KDM2A: variants seen among roughly 807,000 people sequenced by gnomAD.
The protein encoded by KDM2A is lysine-specific demethylase 2A.
Under a neutral mutation model 137.3 loss-of-function variants are expected in KDM2A, and 3 were observed. That is an observed-to-expected ratio of 0.02 (90% confidence interval 0.01 to 0.06). The LOEUF is 0.06. KDM2A is among the 10% of genes least tolerant of loss of function. KDM2A has a pLI of 1.00. For synonymous variants in KDM2A, 512 were observed against 541.5 expected (o/e 0.95, Z 0.76); for missense variants, 738 against 1,510.6 (o/e 0.49, Z 8.48).
chr11:67,253,493 A>G lies in KDM2A; in HGVS notation c.2973A>G (p.Ala991=), dbSNP rs1488053683. ...DLLLAGCSWS[A]VSALSTSSCP... is the part of the protein sequence containing the mutation. Reference sequence around the variant, plus strand: ...TCCTAGCAGGCTGCTCCTGGTCTGCAGTCTCTGCCCTCAGCACCTCCAGCT... The same window carrying G: ...TCCTAGCAGGCTGCTCCTGGTCTGCGGTCTCTGCCCTCAGCACCTCCAGCT... Residue 991 remains alanine, a synonymous_variant, in exon 19 of 21, where the codon GCA becomes GCG. Coordinates refer to ENST00000529006, the MANE Select transcript of KDM2A (RefSeq NM_012308.3). 8.7e-6 allele frequency: 14 copies of G among 1,613,938 alleles called. No individual in the cohort carries two copies. The highest frequency in any genetic ancestry group is 1.1e-5 in the Non-Finnish European group (13 of 1,179,854).
At chr11:67,215,523 C>T (rs1295281418) in intron 7 of KDM2A, 77 bp downstream of exon 7, 24 of 924,064 alleles carry the variant, frequency 2.6e-5, no homozygotes, top group East Asian at 1.3e-4. Context: ...TTCTCCCTTA[C>T]GAGCTTTGCT....
At chr11:67,200,165 T>G (rs1393618162) in intron 5 of KDM2A, among the ~76,000 whole-genome samples, 1 of 152,132 alleles carries the variant, frequency 6.6e-6, no homozygotes, top group Non-Finnish European at 1.5e-5. Flanking sequence ...GTGTACCTCT[T>G]CACCCAAGAC....
At chr11:67,172,962 T>C (rs1017769599) in intron 2 of KDM2A, among the ~76,000 whole-genome samples, 19 of 152,238 alleles carry the variant, frequency 1.2e-4, no homozygotes, top group Non-Finnish European at 2.2e-4. Flanking sequence ...ATGGAATATT[T>C]ATAGACATAA....
intron 2 of KDM2A, among the ~76,000 whole-genome samples, chr11:67,140,021 C>G (rs1362896439): frequency 6.6e-6 from 1 of 152,030 alleles, no homozygotes; most frequent in East Asian, 1.9e-4. Context: ...GTGTTCTTAG[C>G]TTGAGTTCCT....
intron 13 of KDM2A, 74 bp downstream of exon 13, chr11:67,243,166 A>G (rs543215159): frequency 3.6e-5 from 38 of 1,061,414 alleles, no homozygotes; most frequent in Admixed American, 2.4e-4. Context: ...TCTGGGGAAA[A>G]CAAGAACAAC....
intron 2 of KDM2A, among the ~76,000 whole-genome samples, chr11:67,161,518 A>G (rs1187641508): frequency 3.9e-5 from 6 of 152,226 alleles, no homozygotes; most frequent in Admixed American, 6.5e-5. Context: ...ACGTATTACT[A>G]TTATATGCAT....
At chr11:67,223,192 CAAA>C (rs560774486) in intron 10 of KDM2A, among the ~76,000 whole-genome samples, 2 of 89,418 alleles carry the variant, frequency 2.2e-5, no homozygotes, top group Non-Finnish European at 2.6e-5. Flanking sequence ...AACTCCATCT[CAAA>C]AAAAAAAAAA....
chr11:67,166,670 C>T (rs1428431324), intron 2 of KDM2A, among the ~76,000 whole-genome samples: 1 of 151,080 alleles, frequency 6.6e-6, no homozygotes, highest in Non-Finnish European at 1.5e-5. Context: ...GGCTGTAATG[C>T]AGTATACAGA....
chr11:67,233,806 T>A (rs1181320006), intron 12 of KDM2A, among the ~76,000 whole-genome samples: 5 of 151,756 alleles, frequency 3.3e-5, no homozygotes, highest in Admixed American at 2.6e-4. Flanking sequence ...AGAGGGGAGT[T>A]AAGAAGAGAC....
At chr11:67,153,662 G>A (rs1403235945) in intron 2 of KDM2A, among the ~76,000 whole-genome samples, 1 of 151,992 alleles carries the variant, frequency 6.6e-6, no homozygotes, top group Non-Finnish European at 1.5e-5. Flanking sequence ...CTACAAAAAT[G>A]TTTACGGATA....
chr11:67,243,736 A>C (rs913737958), intron 13 of KDM2A: 3 of 152,306 alleles, frequency 2.0e-5, no homozygotes, highest in Admixed American at 6.5e-5. Context: ...AATCACTTGA[A>C]CCCAGGAGGC....
At chr11:67,157,622 G>C (rs915386867) in intron 2 of KDM2A, among the ~76,000 whole-genome samples, 1 of 151,448 alleles carries the variant, frequency 6.6e-6, no homozygotes, top group African/African-American at 2.4e-5. Flanking sequence ...GCACGCGCCT[G>C]AAATCCCAGC....
intron 2 of KDM2A, among the ~76,000 whole-genome samples, chr11:67,179,679 A>T (rs1034128996): frequency 6.6e-6 from 1 of 152,206 alleles, no homozygotes; most frequent in Admixed American, 6.6e-5. Flanking sequence ...TACCAAGCTA[A>T]TTTTAAATAC....
chr11:67,144,705 C>T (rs886415053), intron 2 of KDM2A, among the ~76,000 whole-genome samples: 3 of 151,132 alleles, frequency 2.0e-5, no homozygotes, highest in Admixed American at 1.3e-4. Flanking sequence ...CTGGGAGTAC[C>T]GGCACGCACC....
chr11:67,201,897 A>G lies in KDM2A; in HGVS notation c.308-5613A>G, dbSNP rs142912335. Among the ~76,000 whole-genome samples, 48 of 151,506 alleles carry G rather than the reference A, an allele frequency of 3.2e-4. No homozygotes were observed. In the East Asian group the frequency reaches 4.7e-3, roughly 15 times the overall value. On this transcript the variant is annotated intron_variant, in intron 5 of 20. Transcript: ENST00000529006. ...TTGAGCCCAGGAATTCGAGGTTGCA[A>G]TGAGCTCTGATCTTGCCACTCTATT...
intron 2 of KDM2A, among the ~76,000 whole-genome samples, chr11:67,144,515 G>A (rs1856198258): frequency 1.3e-5 from 2 of 151,928 alleles, no homozygotes; most frequent in South Asian, 2.1e-4. Flanking sequence ...GCCTTCCAAA[G>A]TGCTGGGATT....
chr11:67,242,047 C>G (rs1249096096), intron 12 of KDM2A, among the ~76,000 whole-genome samples: 1 of 152,072 alleles, frequency 6.6e-6, no homozygotes, highest in Admixed American at 6.5e-5. Context: ...GCACTCCAGC[C>G]TGAGCAACAG....
At chr11:67,181,604 AAAC>A (rs945843158) in intron 4 of KDM2A, among the ~76,000 whole-genome samples, 22 of 152,222 alleles carry the variant, frequency 1.4e-4, no homozygotes, top group East Asian at 7.7e-4. Flanking sequence ...AAAAAAAAAA[AAAC>A]AACAAATTTA....
intron 5 of KDM2A, among the ~76,000 whole-genome samples, chr11:67,202,849 G>A (rs980234199): frequency 1.3e-5 from 2 of 151,370 alleles, no homozygotes; most frequent in African/African-American, 4.9e-5. Context: ...TAAAGGATTA[G>A]CCAGCCATTG....
Sources: allele counts gnomAD v4.1 joint callset (sites outside exome capture counted in the v4.1 genomes callset), GRCh38; gene constraint gnomAD v4.1.1; transcripts MANE v1.5; gene names NCBI Gene and HGNC (gene_info 2026-07-23, HGNC 2026-07-21).